The following DOCK3 variants were observed in gnomAD, a reference collection of about 807,000 sequenced individuals.
DOCK3 encodes the protein dedicator of cytokinesis protein 3.
A neutral mutation model predicts 265.6 loss-of-function variants in DOCK3; 60 were observed. The ratio of observed to expected loss-of-function variants is 0.23; its 90% CI spans 0.18 to 0.28. DOCK3 has a LOEUF of 0.28. DOCK3 is among the 10% of genes least tolerant of loss of function. DOCK3 has a pLI of 1.00. For missense variants in DOCK3, 1,981 were observed against 2,594.3 expected (o/e 0.76, Z 5.14); for synonymous variants, 881 against 938.0 (o/e 0.94, Z 1.11).
intron 22 of DOCK3, among the ~76,000 whole-genome samples, chr3:51,249,117 C>A (rs1472454482): frequency 6.6e-6 from 1 of 150,528 alleles, no homozygotes; most frequent in East Asian, 2.0e-4. Context: ...GGTCAGCCCC[C>A]CGCCAGGCCA....
chr3:50,964,886 C>G (rs2076985888), intron 5 of DOCK3, among the ~76,000 whole-genome samples: 1 of 151,996 alleles, frequency 6.6e-6, no homozygotes, highest in African/African-American at 2.4e-5. Flanking sequence ...ATAACAAGAG[C>G]TCTCATCAGA....
In DOCK3 at chr3:51,111,163, G is replaced by C. The variant is rs142050701; in HGVS notation, c.746+20779G>C. ...TCTACAATGAGAATTACAAAACACT[G>C]TTCAGAGAAATCAGAGATGACACAA... On this transcript the variant is annotated intron_variant, in intron 9 of 52. Coordinates refer to ENST00000266037, the MANE Select transcript of DOCK3 (RefSeq NM_004947.5). Among the ~76,000 whole-genome samples the C allele has an allele frequency of 6.0e-3, 921 of 152,294 alleles. 29 individuals are homozygous for C. The highest frequency in any genetic ancestry group is 0.044 in the Admixed American group (670 of 15,292).
intron 38 of DOCK3, among the ~76,000 whole-genome samples, chr3:51,346,466 G>A (rs373125722): frequency 6.6e-6 from 1 of 152,068 alleles, no homozygotes; most frequent in South Asian, 2.1e-4. Flanking sequence ...AAAGGACATG[G>A]ACTCATCCTT....
intron 1 of DOCK3, among the ~76,000 whole-genome samples, chr3:50,725,953 A>C (rs1338520458): frequency 6.6e-6 from 1 of 152,206 alleles, no homozygotes; most frequent in East Asian, 1.9e-4. Context: ...TGATTCTTAC[A>C]GGGTACACCC....
Position 50,780,130 on chromosome 3 carries a change from A to G in DOCK3, c.121+1372A>G, listed in dbSNP as rs569992083. On this transcript the variant is annotated intron_variant, in intron 2 of 52. Transcript: ENST00000266037. ...CGTACCGTTTTAAATTTTCTTAAAA[A>G]CAGAAGTATAAATTAGCACCCTTTT... 3.3e-5 allele frequency among the ~76,000 whole-genome samples: 5 copies of G among 152,332 alleles called. 2 individuals are homozygous for G. Among genetic ancestry groups the G allele is most frequent in the African/African-American group, 1.2e-4 (5 of 41,580 alleles).
chr3:50,774,784 T>C (rs886132384), intron 1 of DOCK3, among the ~76,000 whole-genome samples: 1 of 152,012 alleles, frequency 6.6e-6, no homozygotes, highest in Non-Finnish European at 1.5e-5. Context: ...TAAAATGTTT[T>C]GTATATCACC....
At chr3:50,898,703 A>T (rs2049023473) in intron 4 of DOCK3, 2 of 152,198 alleles carry the variant, frequency 1.3e-5, no homozygotes, top group South Asian at 4.1e-4. Context: ...GGTTTCAAAG[A>T]ACATCTTTAT....
chr3:51,335,499 A>G (rs979459809), intron 35 of DOCK3, among the ~76,000 whole-genome samples: 2 of 152,218 alleles, frequency 1.3e-5, no homozygotes, highest in Non-Finnish European at 2.9e-5. Context: ...ATCATTTGTC[A>G]TTCTGTCTTA....
intron 37 of DOCK3, among the ~76,000 whole-genome samples, chr3:51,340,718 T>C (rs2085181843): frequency 6.6e-6 from 1 of 152,206 alleles, no homozygotes; most frequent in South Asian, 2.1e-4. Context: ...GGAGCCATGG[T>C]ATTTCACTGC....
chr3:50,926,030 AC>A (rs1353992185), intron 4 of DOCK3, among the ~76,000 whole-genome samples: 5 of 151,724 alleles, frequency 3.3e-5, no homozygotes, highest in Non-Finnish European at 7.4e-5. Flanking sequence ...ATAGGGTTTT[AC>A]CATGTCGGCC....
At chr3:51,016,586 ATATAT>A (rs1219396806) in intron 5 of DOCK3, among the ~76,000 whole-genome samples, 10 of 89,470 alleles carry the variant, frequency 1.1e-4, no homozygotes, top group South Asian at 6.3e-4. Context: ...TATATATATC[ATATAT>A]TATATATGAT....
chr3:50,894,398 A>C (rs940419655), intron 4 of DOCK3, among the ~76,000 whole-genome samples: 1 of 152,108 alleles, frequency 6.6e-6, no homozygotes, highest in Non-Finnish European at 1.5e-5. Flanking sequence ...GTAGAGAGAA[A>C]GGCTTTCCCA....
At position 51,229,487 on chromosome 3, in the gene DOCK3, C is replaced by T; in HGVS notation, c.1820-25C>T. 4 of 1,531,058 alleles carry T rather than the reference C, an allele frequency of 2.6e-6. No individual in the cohort carries two copies. In the South Asian group the frequency reaches 3.8e-5, roughly 15 times the overall value. The allele number at this position is 1,531,058 out of a possible 1,614,324, so 94.8% of individuals were successfully genotyped here. ...AAGAATATCCAGGTTTCAAGGGTTC[C>T]TCATCTTTTGGGCTTGCTTTCTAGT... On this transcript the variant is annotated intron_variant, in intron 18 of 52. Transcript: ENST00000266037.
At chr3:50,756,282 C>T (rs552746830) in intron 1 of DOCK3, among the ~76,000 whole-genome samples, 6 of 152,254 alleles carry the variant, frequency 3.9e-5, no homozygotes, top group African/African-American at 1.4e-4. Context: ...CATTTTGCCT[C>T]ATAATGTGCA....
At position 51,354,947 on chromosome 3, in the gene DOCK3, C is replaced by T; in HGVS notation, c.4173C>T (p.Leu1391=). Residue 1391 remains leucine, a synonymous_variant, in exon 41 of 53, where the codon CTC becomes CTT. Transcript: ENST00000266037. ...TGGAGGCCTTCCAGCAGAGGATGCT[C>T]AGTGAGTTTCCGCAGGCTGTCGCCA... The part of the protein sequence containing the change: ...ERLEAFQQRM[L]SEFPQAVAMQ... 3 of 1,613,962 alleles carry T rather than the reference C, an allele frequency of 1.9e-6. No homozygotes were observed. Among genetic ancestry groups the T allele is most frequent in the South Asian group, 1.1e-5 (1 of 91,086 alleles).
At chr3:51,151,054 A>G (rs2085562734) in intron 10 of DOCK3, among the ~76,000 whole-genome samples, 1 of 151,500 alleles carries the variant, frequency 6.6e-6, no homozygotes. Context: ...TTCATTTACC[A>G]TTATGTAATG....
chr3:50,924,001 T>TTTTG (rs546663807), intron 4 of DOCK3, among the ~76,000 whole-genome samples: 2,132 of 152,258 alleles, frequency 0.014, 29 homozygotes, highest in Non-Finnish European at 0.023. Flanking sequence ...CTGCTGCTGT[T>TTTTG]TTTGTTTGTT....
intron 4 of DOCK3, chr3:50,901,781 C>A: frequency 2.3e-6 from 1 of 429,246 alleles, no homozygotes; most frequent in South Asian, 1.7e-5. Context: ...CCTGCTTCAG[C>A]TCTCCCTCTG....
rs949948072 is a variant in DOCK3, at chr3:50,713,060, TGTTA to T, written c.37+37764_37+37767del. Among the ~76,000 whole-genome samples, 10 of 152,310 alleles carry T rather than the reference TGTTA, an allele frequency of 6.6e-5. 1 individual carries two copies. The South Asian group carries it at 1.0e-3, about 16-fold the overall frequency. On this transcript the variant is annotated intron_variant, in intron 1 of 52. Coordinates refer to ENST00000266037, the MANE Select transcript of DOCK3 (RefSeq NM_004947.5). ...ATGGAGCATCAGGGGAGTGCACCTT[TGTTA>T]GTTTGAAGATGGGTGAAGAGACATT...
Sources: gnomAD v4.1 joint callset for allele counts (sites outside exome capture counted in the v4.1 genomes callset) on GRCh38, gnomAD v4.1.1 for gene constraint, MANE v1.5 for transcripts, NCBI Gene and HGNC (gene_info 2026-07-23, HGNC 2026-07-21) for gene names.